The following SYCE3 variants were observed in gnomAD, a reference collection of about 807,000 sequenced individuals.
The protein encoded by SYCE3 is testis highly expressed gene 2 protein.
Under a neutral mutation model 8.1 loss-of-function variants are expected in SYCE3, and 3 were observed. The ratio of observed to expected loss-of-function variants is 0.37; its 90% confidence interval spans 0.17 to 0.96. SYCE3 has a LOEUF of 0.96. SYCE3 is among the 40% of genes least tolerant of loss of function. The pLI is 0.41. For synonymous variants in SYCE3, 36 were observed against 38.7 expected, an observed-to-expected ratio of 0.93 and a Z score of 0.26; for missense variants, 83 against 110.0, an observed-to-expected ratio of 0.75 and a Z score of 1.10.
intron 1 of SYCE3, among the ~76,000 whole-genome samples, chr22:50,560,462 G>GA (rs547574331): frequency 6.6e-6 from 1 of 151,798 alleles, no homozygotes; most frequent in East Asian, 1.9e-4. Context: ...TCTGCAAAAT[G>GA]AAAAAAAGGG....
intron 2 of SYCE3, 147 bp from the exon 3 acceptor site, chr22:50,551,549 T>C: frequency 1.2e-6 from 1 of 819,260 alleles, no homozygotes; most frequent in Non-Finnish European, 1.8e-6. Context: ...GAGAGACAGC[T>C]GGTAGGCTAC....
chr22:50,561,586 G>A (rs117637509), intron 1 of SYCE3, among the ~76,000 whole-genome samples: 4,435 of 145,196 alleles, frequency 0.031, 103 homozygotes, highest in Middle Eastern at 0.078. Flanking sequence ...TCTGGCTTGG[G>A]TATCACTTTA....
At chr22:50,561,560 G>A (rs2069917828) in intron 1 of SYCE3, among the ~76,000 whole-genome samples, 1 of 151,564 alleles carries the variant, frequency 6.6e-6, no homozygotes, top group African/African-American at 2.4e-5. Flanking sequence ...CGGGAGCGTG[G>A]GGCGGGAGTG....
intron 1 of SYCE3, among the ~76,000 whole-genome samples, chr22:50,556,850 T>C (rs567286582): frequency 1.3e-5 from 2 of 152,264 alleles, no homozygotes; most frequent in African/African-American, 4.8e-5. Flanking sequence ...ACACACACCA[T>C]ATGACAAACC....
chr22:50,555,378 T>C (rs131773), intron 2 of SYCE3, among the ~76,000 whole-genome samples: 117,566 of 151,966 alleles, frequency 0.77, 45,843 homozygotes, highest in East Asian at 0.99. Flanking sequence ...CGCTGGCTCA[T>C]ACCTGTAATC....
At chr22:50,557,839 C>A (rs1006358714) in intron 1 of SYCE3, among the ~76,000 whole-genome samples, 54 of 152,144 alleles carry the variant, frequency 3.5e-4, no homozygotes, top group African/African-American at 1.2e-3. Flanking sequence ...CGGTATTGTT[C>A]CCACTGTACA....
intron 1 of SYCE3, among the ~76,000 whole-genome samples, chr22:50,560,874 G>T (rs948982604): frequency 6.6e-6 from 1 of 152,162 alleles, no homozygotes; most frequent in Non-Finnish European, 1.5e-5. Flanking sequence ...GGATGGCAAG[G>T]GGGGGATTTC....
intron 2 of SYCE3, among the ~76,000 whole-genome samples, chr22:50,552,749 C>A (rs756039024): frequency 6.6e-6 from 1 of 152,158 alleles, no homozygotes; most frequent in Admixed American, 6.5e-5. Context: ...GAAATCCTAA[C>A]CCCCGACGTG....
chr22:50,559,649 C>T (rs996165006), intron 1 of SYCE3, among the ~76,000 whole-genome samples: 14 of 152,056 alleles, frequency 9.2e-5, no homozygotes, highest in African/African-American at 2.9e-4. Context: ...TGGAGGTAGC[C>T]GCCAGGCTTA....
At chr22:50,551,569 G>C (rs1333436417) in intron 2 of SYCE3, among the ~76,000 whole-genome samples, 167 bp from the exon 3 acceptor site, 1 of 152,138 alleles carries the variant, frequency 6.6e-6, no homozygotes, top group African/African-American at 2.4e-5. Flanking sequence ...CTTGTTACAG[G>C]CTCATAAAAA....
intron 2 of SYCE3, 31 bp from the exon 3 acceptor site, chr22:50,551,433 A>G (rs1393974447): frequency 6.5e-7 from 1 of 1,534,248 alleles, no homozygotes; most frequent in Non-Finnish European, 8.8e-7. Context: ...TGGTCAGGCC[A>G]CAGGGAGGGG....
chr22:50,557,344 T>C (rs56159515), intron 1 of SYCE3, among the ~76,000 whole-genome samples: 12,694 of 151,856 alleles, frequency 0.084, 1,179 homozygotes, highest in African/African-American at 0.23. Flanking sequence ...TTAGTAGAGA[T>C]GGGGTTTCTC....
At position 50,551,229 on chromosome 22, in the gene SYCE3, G is replaced by C. The variant is rs1248529671; in HGVS notation, c.*16C>G. 2 of 1,550,434 alleles carry C rather than the reference G, an allele frequency of 1.3e-6. No homozygotes were observed. Among genetic ancestry groups the C allele is most frequent in the Non-Finnish European group, 1.7e-6 (2 of 1,146,284 alleles). ...GGGCAGAGGGTGGCATGGCAGCTGT[G>C]GTGGGCCAGTGGGGCCTACAGCCTT... On this transcript the variant is annotated 3_prime_UTR_variant, in exon 3 of 3. Transcript: ENST00000406915.
chr22:50,552,458 C>G (rs1569031939), intron 2 of SYCE3, among the ~76,000 whole-genome samples: 1 of 152,038 alleles, frequency 6.6e-6, no homozygotes, highest in Non-Finnish European at 1.5e-5. Flanking sequence ...TGAGACCATC[C>G]TGGCCAACAT....
At chr22:50,555,640 G>A (rs1022776526) in intron 2 of SYCE3, among the ~76,000 whole-genome samples, 11 of 152,088 alleles carry the variant, frequency 7.2e-5, no homozygotes, top group African/African-American at 2.7e-4. Context: ...ACCCCTTACC[G>A]TCATAACCCA....
At chr22:50,551,668 C>T (rs1447583379) in intron 2 of SYCE3, among the ~76,000 whole-genome samples, 1 of 152,214 alleles carries the variant, frequency 6.6e-6, no homozygotes, top group Non-Finnish European at 1.5e-5. Context: ...AAACTAGAGG[C>T]TGGTCTGATA....
Position 50,551,278 on chromosome 22 carries a change from T to C in SYCE3, c.234A>G (p.Gln78=), listed in dbSNP as rs1451216097. ...NCKEEMEKNW[Q]ELLHETKQRL Reference sequence around the variant, plus strand: ...TTTGCTTGGTCTCATGCAGCAGCTCTTGCCAGTTCTTCTCCATCTCCTCCT... The same window carrying C: ...TTTGCTTGGTCTCATGCAGCAGCTCCTGCCAGTTCTTCTCCATCTCCTCCT... Residue 78 remains glutamine (Q), a synonymous_variant, in exon 3 of 3, where the codon CAA becomes CAG. Transcript: ENST00000406915. 1.9e-6 allele frequency: 3 copies of C among 1,551,424 alleles called. No individual in the cohort carries two copies. The highest frequency in any genetic ancestry group is 1.4e-5 in the African/African-American group (1 of 73,188).
chr22:50,552,844 G>A (rs1344686777), intron 2 of SYCE3, among the ~76,000 whole-genome samples: 1 of 152,112 alleles, frequency 6.6e-6, no homozygotes, highest in Non-Finnish European at 1.5e-5. Flanking sequence ...CCTTAAAGAA[G>A]AGACACAAGA....
intron 1 of SYCE3, 131 bp from the exon 2 acceptor site, chr22:50,556,536 T>A: frequency 1.6e-6 from 1 of 644,938 alleles, no homozygotes; most frequent in Non-Finnish European, 2.7e-6. Context: ...TACCACGTAC[T>A]CCACAGGGCT....
Sources: allele counts gnomAD v4.1 joint callset (sites outside exome capture counted in the v4.1 genomes callset), GRCh38; gene constraint gnomAD v4.1.1; transcripts MANE v1.5; gene names NCBI Gene and HGNC (gene_info 2026-07-23, HGNC 2026-07-21).